EPHA3: variants seen among roughly 807,000 people sequenced by gnomAD.
EPHA3 encodes EPH receptor A3, also known as ephrin type-A receptor 3.
EPHA3 carries 42 observed loss-of-function variants against 107.1 expected under a neutral mutation model. The observed-to-expected ratio is 0.39, with a 90% CI of 0.31 to 0.51. EPHA3 has a LOEUF of 0.51. EPHA3 is among the 20% of genes least tolerant of loss of function. EPHA3 has a pLI of 0.78. For synonymous variants in EPHA3, 461 were observed against 424.8 expected, an observed-to-expected ratio of 1.09 and a Z score of -1.05; for missense variants, 1,183 against 1,211.2, an observed-to-expected ratio of 0.98 and a Z score of 0.35.
At chr3:89,263,998 A>G (rs1204314090) in intron 3 of EPHA3, among the ~76,000 whole-genome samples, 1 of 152,124 alleles carries the variant, frequency 6.6e-6, no homozygotes, top group Non-Finnish European at 1.5e-5. Context: ...TCTGGCCTCA[A>G]AAATCCACGT....
At chr3:89,328,834 T>C (rs2107393873) in intron 3 of EPHA3, among the ~76,000 whole-genome samples, 1 of 152,270 alleles carries the variant, frequency 6.6e-6, no homozygotes, top group East Asian at 1.9e-4. Flanking sequence ...GGAGTAGGTT[T>C]CAGTAAATGC....
chr3:89,437,268 GATATA>G (rs1263732331), intron 13 of EPHA3, among the ~76,000 whole-genome samples: 1 of 151,922 alleles, frequency 6.6e-6, no homozygotes, highest in African/African-American at 2.4e-5. Context: ...AGTTTTATGT[GATATA>G]ATATATTTTA....
chr3:89,337,331 A>G (rs1707416685), intron 3 of EPHA3, among the ~76,000 whole-genome samples: 1 of 152,204 alleles, frequency 6.6e-6, no homozygotes, highest in Non-Finnish European at 1.5e-5. Context: ...CCCTGTTCAA[A>G]CTATACCATT....
chr3:89,128,872 G>C (rs1366583532), intron 2 of EPHA3, among the ~76,000 whole-genome samples: 2 of 151,976 alleles, frequency 1.3e-5, no homozygotes, highest in Non-Finnish European at 2.9e-5. Flanking sequence ...TGGGGGAAAT[G>C]AATTCCCCCA....
At chr3:89,127,364 T>C in intron 2 of EPHA3, 91 bp downstream of exon 2, 2 of 996,006 alleles carry the variant, frequency 2.0e-6, no homozygotes, top group Non-Finnish European at 3.1e-6. Flanking sequence ...AAGAGAACTC[T>C]TGTACTTCTG....
At chr3:89,265,083 AATT>A (rs1262129946) in intron 3 of EPHA3, among the ~76,000 whole-genome samples, 1 of 152,182 alleles carries the variant, frequency 6.6e-6, no homozygotes. Flanking sequence ...AAAAATTAAA[AATT>A]ATGTTCAGCA....
At chr3:89,276,826 T>C (rs1403228446) in intron 3 of EPHA3, among the ~76,000 whole-genome samples, 2 of 152,112 alleles carry the variant, frequency 1.3e-5, no homozygotes, top group African/African-American at 4.8e-5. Context: ...AGAGAATATC[T>C]AAAAGTCCGT....
chr3:89,192,434 A>T (rs1705741952), intron 2 of EPHA3, among the ~76,000 whole-genome samples: 1 of 151,974 alleles, frequency 6.6e-6, no homozygotes, highest in Admixed American at 6.6e-5. Flanking sequence ...AATAATAAAT[A>T]TAAATAAAAG....
chr3:89,470,245 T>C (rs1982096), intron 15 of EPHA3, among the ~76,000 whole-genome samples: 5,255 of 152,254 alleles, frequency 0.035, 89 homozygotes, highest in South Asian at 0.049. Context: ...AGGGTTGTTA[T>C]ACTATTATGT....
intron 3 of EPHA3, among the ~76,000 whole-genome samples, chr3:89,331,262 G>T (rs540209383): frequency 1.3e-5 from 2 of 151,956 alleles, no homozygotes; most frequent in Non-Finnish European, 2.9e-5. Flanking sequence ...GAACCTTTTC[G>T]TTTTTAAGTT....
intron 5 of EPHA3, among the ~76,000 whole-genome samples, chr3:89,365,278 T>TA: frequency 6.6e-6 from 1 of 150,758 alleles, no homozygotes; most frequent in South Asian, 2.1e-4. Context: ...TCCCCTCAGA[T>TA]ATAGCCTTTC....
intron 15 of EPHA3, among the ~76,000 whole-genome samples, chr3:89,452,201 C>A (rs1246616858): frequency 2.0e-5 from 3 of 152,138 alleles, no homozygotes; most frequent in Admixed American, 1.3e-4. Context: ...ATACTGACTT[C>A]ATTTCCTTTG....
At chr3:89,355,548 G>C (rs73137329) in intron 5 of EPHA3, among the ~76,000 whole-genome samples, 17,973 of 150,862 alleles carry the variant, frequency 0.12, 2,107 homozygotes, top group Non-Finnish European at 0.19. Context: ...TTTAAATTTG[G>C]TTTGTTTATG....
intron 5 of EPHA3, among the ~76,000 whole-genome samples, chr3:89,379,993 T>C (rs527792010): frequency 1.3e-5 from 2 of 152,298 alleles, no homozygotes; most frequent in East Asian, 3.9e-4. Flanking sequence ...TCAATTAGTC[T>C]CTATTGCACT....
At chr3:89,426,890 A>T (rs1709467794) in intron 11 of EPHA3, among the ~76,000 whole-genome samples, 1 of 151,882 alleles carries the variant, frequency 6.6e-6, no homozygotes, top group Admixed American at 6.6e-5. Context: ...TCATTCATTT[A>T]TTCATTCATT....
At chr3:89,127,900 G>A (rs1038170708) in intron 2 of EPHA3, among the ~76,000 whole-genome samples, 1 of 152,034 alleles carries the variant, frequency 6.6e-6, no homozygotes, top group African/African-American at 2.4e-5. Flanking sequence ...TGTTCTGAAT[G>A]ACTATAATGA....
At chr3:89,182,348 T>C (rs1212227500) in intron 2 of EPHA3, among the ~76,000 whole-genome samples, 1 of 151,918 alleles carries the variant, frequency 6.6e-6, no homozygotes, top group Non-Finnish European at 1.5e-5. Context: ...ACAGAAAATA[T>C]GGCTATTCAT....
At chr3:89,441,226 T>C (rs1363912834) in intron 13 of EPHA3, among the ~76,000 whole-genome samples, 1 of 152,218 alleles carries the variant, frequency 6.6e-6, no homozygotes, top group Non-Finnish European at 1.5e-5. Flanking sequence ...TATTTAGCTA[T>C]ACATAGATGA....
intron 1 of EPHA3, among the ~76,000 whole-genome samples, chr3:89,114,530 T>C (rs1707206188): frequency 6.6e-6 from 1 of 152,186 alleles, no homozygotes; most frequent in Non-Finnish European, 1.5e-5. Flanking sequence ...GCCAGTGGGT[T>C]CTTTGTGCAC....
Sources: gnomAD v4.1 joint callset for allele counts (sites outside exome capture counted in the v4.1 genomes callset) on GRCh38, gnomAD v4.1.1 for gene constraint, MANE v1.5 for transcripts, NCBI Gene and HGNC (gene_info 2026-07-23, HGNC 2026-07-21) for gene names.